The following ANKFN1 variants were observed in gnomAD, a reference collection of about 807,000 sequenced individuals.
The protein encoded by ANKFN1 is ankyrin repeat and fibronectin type-III domain-containing protein 1.
A neutral mutation model predicts 108.7 loss-of-function variants in ANKFN1; 74 were observed. The ratio of observed to expected loss-of-function variants is 0.68; its 90% CI spans 0.56 to 0.83. The LOEUF (loss-of-function observed/expected upper bound fraction) is 0.83. ANKFN1 is among the 40% of genes least tolerant of loss of function. The pLI is 0.00. For synonymous variants in ANKFN1, 547 were observed against 516.2 expected (o/e 1.06, Z -0.81); for missense variants, 1,505 against 1,382.3 (o/e 1.09, Z -1.41).
chr17:56,258,545 G>A (rs1188139046), intron 3 of ANKFN1, among the ~76,000 whole-genome samples: 1 of 152,136 alleles, frequency 6.6e-6, no homozygotes, highest in East Asian at 1.9e-4. Flanking sequence ...TAAGGGGCTG[G>A]TAGAGACGCA....
At chr17:56,365,242 C>A (rs2046628546) in intron 6 of ANKFN1, among the ~76,000 whole-genome samples, 1 of 152,094 alleles carries the variant, frequency 6.6e-6, no homozygotes, top group Non-Finnish European at 1.5e-5. Flanking sequence ...ATTGATATCA[C>A]TTGCTAGTGT....
chr17:56,201,620 C>T (rs1193150743), intron 1 of ANKFN1, among the ~76,000 whole-genome samples: 1 of 151,720 alleles, frequency 6.6e-6, no homozygotes, highest in Admixed American at 6.6e-5. Flanking sequence ...CAAAGATTTG[C>T]CACAAGAGTT....
intron 4 of ANKFN1, among the ~76,000 whole-genome samples, chr17:56,144,789 G>A (rs547641625): frequency 2.6e-4 from 40 of 152,322 alleles, no homozygotes; most frequent in African/African-American, 9.4e-4. Flanking sequence ...GAGCATTGGA[G>A]CAGATGTCTG....
intron 8 of ANKFN1, 102 bp from the exon 9 acceptor site, chr17:56,440,225 C>T (rs2049054597): frequency 1.8e-6 from 1 of 553,260 alleles, no homozygotes; most frequent in East Asian, 3.1e-5. Flanking sequence ...TTAACTCTTT[C>T]TGAGAGGGAT....
intron 1 of ANKFN1, among the ~76,000 whole-genome samples, chr17:56,170,807 T>TACACAC (rs112596144): frequency 7.2e-4 from 44 of 61,446 alleles, no homozygotes; most frequent in East Asian, 2.0e-3. Flanking sequence ...TATATATATA[T>TACACAC]ACACACACAC....
Position 56,466,413 on chromosome 17 carries a change from C to T in ANKFN1, c.1615C>T (p.His539Tyr). ...TTACTATGAGCCCATTAAAGATCGA[C>T]ATGGAAACATACTCATAGTCACCAT... is the stretch of plus-strand genomic sequence containing the variant. Reference protein sequence around the residue: ...RVYYEPIKDRHGNILIVTIRE... With the variant: ...RVYYEPIKDRYGNILIVTIRE... The change falls in exon 15 of 21, where the codon CAT becomes TAT. Residue 539 changes from histidine to tyrosine, a missense_variant. By Grantham distance (83) the His-to-Tyr change is moderately conservative. Transcript: ENST00000682825. 1 of 1,614,172 alleles carries T rather than the reference C, an allele frequency of 6.2e-7. No individual in the cohort carries two copies.
intron 1 of ANKFN1, among the ~76,000 whole-genome samples, chr17:56,161,641 G>A (rs1005281174): frequency 2.6e-5 from 4 of 151,886 alleles, no homozygotes; most frequent in East Asian, 1.9e-4. Flanking sequence ...TGTGTGACAC[G>A]TATATGCTTA....
intron 1 of ANKFN1, among the ~76,000 whole-genome samples, chr17:56,194,671 C>T (rs1303502337): frequency 6.6e-6 from 1 of 152,154 alleles, no homozygotes; most frequent in Non-Finnish European, 1.5e-5. Context: ...GTTGGATACA[C>T]ATTAATACAT....
chr17:56,220,830 GGGAGGA>G (rs1567846016), intron 2 of ANKFN1, among the ~76,000 whole-genome samples: 27 of 43,808 alleles, frequency 6.2e-4, no homozygotes, highest in African/African-American at 4.9e-3. Flanking sequence ...AAGGAAGGAA[GGGAGGA>G]AGGGAGGGAG....
intron 3 of ANKFN1, among the ~76,000 whole-genome samples, chr17:56,325,160 C>T (rs2045480092): frequency 6.6e-6 from 1 of 152,082 alleles, no homozygotes; most frequent in Non-Finnish European, 1.5e-5. Flanking sequence ...CAGAAGAGTC[C>T]AAAATTACTC....
chr17:56,056,370 T>A (rs1904877399), intron 4 of ANKFN1, among the ~76,000 whole-genome samples: 1 of 99,040 alleles, frequency 1.0e-5, no homozygotes, highest in Admixed American at 9.9e-5. Context: ...TCAAAACAAT[T>A]CTAAGCAAAA....
chr17:56,163,412 G>A (rs1411560107), intron 1 of ANKFN1, among the ~76,000 whole-genome samples: 1 of 152,200 alleles, frequency 6.6e-6, no homozygotes, highest in African/African-American at 2.4e-5. Flanking sequence ...TCATGTAGCG[G>A]TGCAGAAAGC....
chr17:56,442,913 C>T lies in ANKFN1; in HGVS notation c.1079C>T (p.Pro360Leu), dbSNP rs773243312. The change falls in exon 10 of 21, where the codon CCG becomes CTG. Residue 360 changes from proline (P) to leucine (L), a missense_variant. Transcript: ENST00000682825. ...TGGGGACCTGCTCAGACCACGACAC[C>T]GGCATGTGCCTCTCCTTCTAGTAGG... ...KGWGPAQTTT[P>L]ACASPSNWKD... The T allele has an allele frequency of 1.9e-5, 30 of 1,613,574 alleles. No homozygotes were observed. Among genetic ancestry groups the T allele is most frequent in the Admixed American group, 5.0e-5 (3 of 59,978 alleles).
At chr17:56,441,084 A>G (rs1018002060) in intron 9 of ANKFN1, among the ~76,000 whole-genome samples, 2 of 152,206 alleles carry the variant, frequency 1.3e-5, no homozygotes, top group African/African-American at 2.4e-5. Flanking sequence ...TGCAAAAAAA[A>G]TAAAAACACC....
chr17:56,419,041 A>T (rs1019710026), intron 8 of ANKFN1, among the ~76,000 whole-genome samples: 17 of 152,224 alleles, frequency 1.1e-4, no homozygotes, highest in African/African-American at 4.1e-4. Context: ...TTCACACCTC[A>T]GCCCTTAGAT....
At chr17:56,453,597 A>G (rs1343556436) in intron 11 of ANKFN1, among the ~76,000 whole-genome samples, 2 of 152,060 alleles carry the variant, frequency 1.3e-5, no homozygotes, top group African/African-American at 2.4e-5. Context: ...TTTTACTACC[A>G]TATTGAGGAC....
At chr17:56,425,737 G>C (rs181138542) in intron 8 of ANKFN1, among the ~76,000 whole-genome samples, 10 of 152,200 alleles carry the variant, frequency 6.6e-5, no homozygotes, top group African/African-American at 2.4e-4. Flanking sequence ...TGTCTAGCAA[G>C]TTATCCCTAA....
intron 4 of ANKFN1, among the ~76,000 whole-genome samples, chr17:56,139,661 A>G (rs78599593): frequency 2.0e-5 from 3 of 152,208 alleles, no homozygotes; most frequent in Non-Finnish European, 4.4e-5. Flanking sequence ...CTCAGCCTGA[A>G]GAAGTGAGAA....
intron 3 of ANKFN1, among the ~76,000 whole-genome samples, chr17:56,270,130 G>A (rs556695914): frequency 7.9e-5 from 12 of 152,080 alleles, no homozygotes; most frequent in Non-Finnish European, 1.5e-4. Flanking sequence ...CTTGAGTTGA[G>A]CACATGTAAC....
Sources: gnomAD v4.1 joint callset for allele counts (sites outside exome capture counted in the v4.1 genomes callset) on GRCh38, gnomAD v4.1.1 for gene constraint, MANE v1.5 for transcripts, NCBI Gene and HGNC (gene_info 2026-07-23, HGNC 2026-07-21) for gene names.